VPS53: variants seen among roughly 807,000 people sequenced by gnomAD.
VPS53 encodes the protein VPS53 subunit of GARP complex.
A neutral mutation model predicts 107.0 loss-of-function variants in VPS53; 70 were observed. That is an observed-to-expected ratio of 0.65 (90% CI 0.54 to 0.80). The LOEUF (loss-of-function observed/expected upper bound fraction) is 0.80, where lower values mean the gene tolerates loss of function less well. Among genes scored for constraint, VPS53 ranks in the 30% least tolerant of loss-of-function variants. VPS53 has a pLI of 0.00. For synonymous variants in VPS53, 409 were observed against 393.3 expected (o/e 1.04, Z -0.47); for missense variants, 917 against 1,049.4 (o/e 0.87, Z 1.74).
Position 560,517 on chromosome 17 carries a change from C to T in VPS53, c.1613G>A (p.Gly538Asp), listed in dbSNP as rs1478255630. ...TISSLLKEKE[G>D]SEVAKFTLEE... ...CAGAGTGAACTTGGCTACTTCTGAG[C>T]CCTCCTTTTCCTTGAGGAGGCTGCT... The change falls in exon 15 of 22, where the codon GGC (glycine) becomes GAC (aspartate). Residue 538 changes from glycine (G) to aspartate (D), a missense_variant. Coordinates refer to ENST00000437048, the MANE Select transcript of VPS53 (RefSeq NM_001128159.3). 2 of 1,613,960 alleles carry T rather than the reference C, an allele frequency of 1.2e-6. No individual in the cohort carries two copies. The highest frequency in any genetic ancestry group is 8.5e-7 in the Non-Finnish European group (1 of 1,180,016).
chr17:562,542 C>A lies in VPS53; in HGVS notation c.1517G>T (p.Arg506Leu). Reference protein sequence around the residue: ...ALTTIFQKYLREYAWKILSGN... With the variant: ...ALTTIFQKYLLEYAWKILSGN... ...AGAGAGGATTTTCCAGGCGTATTCTCGGAGGTACTTCTGGAAAATGGTGGT... is the reference window on the plus strand; with the variant it reads ...AGAGAGGATTTTCCAGGCGTATTCTAGGAGGTACTTCTGGAAAATGGTGGT... Residue 506 changes from arginine (R) to leucine (L), a missense_variant, in exon 14 of 22, where the codon CGA becomes CTA. Coordinates refer to ENST00000437048, the MANE Select transcript of VPS53 (RefSeq NM_001128159.3). The A allele has an allele frequency of 2.5e-6, 4 of 1,613,986 alleles. No homozygotes were observed. Among genetic ancestry groups the A allele is most frequent in the Non-Finnish European group, 3.4e-6 (4 of 1,179,982 alleles).
rs1196570886 is a variant in VPS53 at position 520,911 on chromosome 17, C to T, written c.2223+690G>A. Among the ~76,000 whole-genome samples, 3 of 152,162 alleles carry T rather than the reference C, an allele frequency of 2.0e-5. No individual in the cohort carries two copies. Among genetic ancestry groups the T allele is most frequent in the Admixed American group, 1.3e-4 (2 of 15,280 alleles). On this transcript the variant is annotated intron_variant, in intron 20 of 21. Coordinates refer to ENST00000437048, the MANE Select transcript of VPS53 (RefSeq NM_001128159.3). This position sits in a 1 kb window ranked among gnomAD's most constrained non-coding sequence, Gnocchi z 4.4. Reference sequence around the variant, plus strand: ...CCCTTACCTACATGAGCTGCTTCATCCTCACCCACATCCCACCGGTGTCTG... The same window carrying T: ...CCCTTACCTACATGAGCTGCTTCATTCTCACCCACATCCCACCGGTGTCTG...
At chr17:630,506 A>G (rs1470151561) in intron 8 of VPS53, among the ~76,000 whole-genome samples, 1 of 152,194 alleles carries the variant, frequency 6.6e-6, no homozygotes, top group African/African-American at 2.4e-5. Flanking sequence ...TCAGATGACT[A>G]AGGAATATGA....
At chr17:594,284 T>A (rs886855340) in intron 12 of VPS53, among the ~76,000 whole-genome samples, 2 of 152,230 alleles carry the variant, frequency 1.3e-5, no homozygotes, top group Non-Finnish European at 2.9e-5. Context: ...AACCTGCACA[T>A]TGTGCACATG....
At chr17:565,423 A>AAG (rs1555553372) in intron 13 of VPS53, among the ~76,000 whole-genome samples, 4 of 132,810 alleles carry the variant, frequency 3.0e-5, no homozygotes, top group East Asian at 2.1e-4. Flanking sequence ...AAAAAAAAAA[A>AAG]AAAGAAAGAA....
intron 4 of VPS53, among the ~76,000 whole-genome samples, chr17:679,929 C>A (rs957522827): frequency 1.3e-5 from 2 of 151,902 alleles, no homozygotes; most frequent in African/African-American, 4.8e-5. Flanking sequence ...AGGTGGATCA[C>A]CTGAGGTCAG....
chr17:572,841 AAG>A (rs1914294005), intron 13 of VPS53, among the ~76,000 whole-genome samples: 1 of 150,608 alleles, frequency 6.6e-6, no homozygotes, highest in Non-Finnish European at 1.5e-5. Flanking sequence ...CATGCTCGTT[AAG>A]AGTCATCACC....
At chr17:708,546 C>T (rs1258272818) in intron 2 of VPS53, among the ~76,000 whole-genome samples, 11 of 152,158 alleles carry the variant, frequency 7.2e-5, no homozygotes, top group Non-Finnish European at 8.8e-5. Context: ...CTGAAGCCTC[C>T]GGATGACTGT....
intron 12 of VPS53, among the ~76,000 whole-genome samples, chr17:596,982 G>C (rs538211621): frequency 6.6e-6 from 1 of 152,158 alleles, no homozygotes. Flanking sequence ...AGATTAAATC[G>C]AACCGCTCGG....
intron 2 of VPS53, among the ~76,000 whole-genome samples, chr17:708,159 G>A (rs1973490327): frequency 6.6e-6 from 1 of 152,162 alleles, no homozygotes; most frequent in Non-Finnish European, 1.5e-5. Context: ...AAGACAGCTG[G>A]GCCCGGGGCA....
chr17:613,962 C>G (rs1007296042), intron 11 of VPS53, among the ~76,000 whole-genome samples: 1 of 152,238 alleles, frequency 6.6e-6, no homozygotes, highest in Non-Finnish European at 1.5e-5. Flanking sequence ...TGCACTGACA[C>G]ACACCTCATC....
At chr17:537,748 A>G (rs1482116721) in intron 17 of VPS53, 1 of 152,586 alleles carries the variant, frequency 6.6e-6, no homozygotes, top group East Asian at 1.9e-4. Context: ...ATGAAATAAG[A>G]TCGTGAAGCT....
intron 19 of VPS53, chr17:531,945 GTTTTTT>G: frequency 1.3e-5 from 1 of 77,570 alleles, no homozygotes; most frequent in Non-Finnish European, 2.6e-5. Context: ...CTGGCTAATT[GTTTTTT>G]TTTTTTTTTT....
In VPS53 at chr17:586,369, A is replaced by G; in HGVS notation, c.1219-5T>C. The G allele has an allele frequency of 6.2e-7, 1 of 1,613,360 alleles. No homozygotes were observed. Among genetic ancestry groups the G allele is most frequent in the Non-Finnish European group, 8.5e-7 (1 of 1,179,374 alleles). On this transcript the variant is annotated splice_region_variant and splice_polypyrimidine_tract_variant and intron_variant, in intron 12 of 21. Transcript: ENST00000437048. ...TGGGGCTTTAGGCTTCTTTGGCTGT[A>G]AAAACAAAGAAAAATAAACCCCATA...
At chr17:633,359 A>G (rs1368886347) in intron 7 of VPS53, among the ~76,000 whole-genome samples, 1 of 152,060 alleles carries the variant, frequency 6.6e-6, no homozygotes, top group South Asian at 2.1e-4. Flanking sequence ...TGAGGCAAAT[A>G]CTGTCTGGTT....
intron 5 of VPS53, among the ~76,000 whole-genome samples, chr17:658,062 G>A (rs1301434915): frequency 1.2e-4 from 4 of 33,576 alleles, no homozygotes; most frequent in Non-Finnish European, 1.8e-4. Flanking sequence ...CAGGGAGTTC[G>A]TGGATAGATA....
intron 2 of VPS53, among the ~76,000 whole-genome samples, chr17:706,655 C>T (rs1447730616): frequency 6.6e-6 from 1 of 152,054 alleles, no homozygotes; most frequent in Non-Finnish European, 1.5e-5. Context: ...TAGACTATAT[C>T]TGTCTTGCTC....
At chr17:646,341 CAT>C (rs1970707081) in intron 7 of VPS53, among the ~76,000 whole-genome samples, 1 of 129,494 alleles carries the variant, frequency 7.7e-6, no homozygotes, top group African/African-American at 2.7e-5. Flanking sequence ...TTTTCTAATC[CAT>C]ACTACGGACT....
chr17:637,120 T>C (rs552034305), intron 7 of VPS53, among the ~76,000 whole-genome samples: 4 of 152,328 alleles, frequency 2.6e-5, no homozygotes, highest in Non-Finnish European at 5.9e-5. Context: ...ATTCAGGGAT[T>C]CAACTTCTTC....
Sources: allele counts gnomAD v4.1 joint callset (sites outside exome capture counted in the v4.1 genomes callset), GRCh38; gene constraint gnomAD v4.1.1; non-coding constraint Gnocchi (gnomAD v3.1); transcripts MANE v1.5; gene names NCBI Gene and HGNC (gene_info 2026-07-23, HGNC 2026-07-21).